The following ZCWPW2 variants were observed in gnomAD, a reference collection of about 807,000 sequenced individuals.
The protein encoded by ZCWPW2 is zinc finger CW-type and PWWP domain containing 2, also known as zinc finger CW-type PWWP domain protein 2.
ZCWPW2 carries 45 observed loss-of-function variants against 46.6 expected under a neutral mutation model. The observed-to-expected ratio is 0.96, with a 90% CI of 0.76 to 1.24. ZCWPW2 has a LOEUF of 1.24. Among genes scored for constraint, ZCWPW2 ranks in the 50% most tolerant of loss-of-function variants. The pLI is 0.00. For synonymous variants in ZCWPW2, 152 were observed against 137.1 expected (o/e 1.11, Z -0.76); for missense variants, 429 against 403.9 (o/e 1.06, Z -0.53).
intron 4 of ZCWPW2, chr3:28,460,917 A>G (rs937170979): frequency 1.7e-4 from 34 of 201,508 alleles, no homozygotes; most frequent in Non-Finnish European, 3.8e-4. Flanking sequence ...TTGGTTTTTA[A>G]ACATTTAGTG....
intron 2 of ZCWPW2, among the ~76,000 whole-genome samples, chr3:28,401,683 G>C (rs2125728766): frequency 1.3e-5 from 2 of 152,118 alleles, no homozygotes; most frequent in Middle Eastern, 3.4e-3. Flanking sequence ...CCATATTATA[G>C]GCCACAAAAC....
intron 4 of ZCWPW2, among the ~76,000 whole-genome samples, chr3:28,467,113 G>A (rs1032593261): frequency 6.6e-6 from 1 of 152,100 alleles, no homozygotes; most frequent in Admixed American, 6.6e-5. Context: ...AAACTCAAAA[G>A]TACTTGAAAG....
At chr3:28,396,619 TCAAACC>T (rs1214167255) in intron 2 of ZCWPW2, among the ~76,000 whole-genome samples, 1 of 152,202 alleles carries the variant, frequency 6.6e-6, no homozygotes, top group Non-Finnish European at 1.5e-5. Context: ...GTTGTTTTTC[TCAAACC>T]CAGGAGAGTT....
intron 1 of ZCWPW2, among the ~76,000 whole-genome samples, chr3:28,352,062 T>C (rs1577157750): frequency 2.6e-5 from 4 of 151,942 alleles, no homozygotes; most frequent in Admixed American, 2.6e-4. Context: ...GTTTTCCCTG[T>C]ACTTTCTCCT....
At chr3:28,496,854 A>G (rs574500846) in intron 6 of ZCWPW2, among the ~76,000 whole-genome samples, 20 of 151,772 alleles carry the variant, frequency 1.3e-4, no homozygotes, top group Non-Finnish European at 2.5e-4. Flanking sequence ...AAACAGGCAT[A>G]GGGATGTTGA....
chr3:28,512,416 C>T (rs1391021288), intron 6 of ZCWPW2, among the ~76,000 whole-genome samples: 2 of 151,930 alleles, frequency 1.3e-5, no homozygotes, highest in African/African-American at 4.8e-5. Context: ...AATTCCTCAC[C>T]TCTGATAATC....
intron 1 of ZCWPW2, among the ~76,000 whole-genome samples, chr3:28,380,475 T>A (rs995030973): frequency 6.6e-6 from 1 of 152,220 alleles, no homozygotes; most frequent in African/African-American, 2.4e-5. Context: ...ATCCATTTCC[T>A]TGCTTTATCA....
At chr3:28,460,934 C>G (rs1698606972) in intron 4 of ZCWPW2, 1 of 221,836 alleles carries the variant, frequency 4.5e-6, no homozygotes, top group Non-Finnish European at 1.0e-5. Context: ...AGTGGTGATG[C>G]AGTCCAAAGG....
At chr3:28,488,598 T>C (rs1365782004) in intron 5 of ZCWPW2, among the ~76,000 whole-genome samples, 2 of 152,194 alleles carry the variant, frequency 1.3e-5, no homozygotes, top group Non-Finnish European at 2.9e-5. Flanking sequence ...CTCCCTAATA[T>C]GGTTGTAAGT....
At chr3:28,481,926 C>T (rs1373877499) in intron 5 of ZCWPW2, among the ~76,000 whole-genome samples, 1 of 152,084 alleles carries the variant, frequency 6.6e-6, no homozygotes, top group Non-Finnish European at 1.5e-5. Flanking sequence ...AACACACAAC[C>T]TCCCCGACTG....
intron 2 of ZCWPW2, among the ~76,000 whole-genome samples, chr3:28,402,168 A>C (rs1695971772): frequency 6.6e-6 from 1 of 152,200 alleles, no homozygotes; most frequent in Non-Finnish European, 1.5e-5. Context: ...TAAAACTTTT[A>C]GACTATTAGC....
intron 4 of ZCWPW2, among the ~76,000 whole-genome samples, chr3:28,438,233 G>A (rs1030558306): frequency 2.6e-5 from 4 of 152,170 alleles, no homozygotes; most frequent in Non-Finnish European, 5.9e-5. Flanking sequence ...TACTGTTATT[G>A]TAATCTCCCT....
At chr3:28,405,336 C>T (rs7639007) in intron 2 of ZCWPW2, among the ~76,000 whole-genome samples, 1 of 152,082 alleles carries the variant, frequency 6.6e-6, no homozygotes, top group Non-Finnish European at 1.5e-5. Context: ...CATACTAAGG[C>T]AGGAAATTGG....
chr3:28,379,634 G>A (rs1011618227), intron 1 of ZCWPW2, among the ~76,000 whole-genome samples: 1 of 152,000 alleles, frequency 6.6e-6, no homozygotes, highest in Non-Finnish European at 1.5e-5. Context: ...TACACTGGAT[G>A]TATTAACACC....
chr3:28,502,689 A>T (rs1295203325), intron 6 of ZCWPW2, among the ~76,000 whole-genome samples: 2 of 152,140 alleles, frequency 1.3e-5, no homozygotes, highest in Non-Finnish European at 1.5e-5. Flanking sequence ...GCAACTAGCT[A>T]TAAGGGGAAG....
At chr3:28,494,879 A>G (rs563593671) in intron 6 of ZCWPW2, among the ~76,000 whole-genome samples, 22 of 144,142 alleles carry the variant, frequency 1.5e-4, no homozygotes, top group Admixed American at 1.3e-3. Flanking sequence ...AAGGGATGTG[A>G]AGGACCTCTT....
At chr3:28,414,257 G>C (rs900573635) in intron 3 of ZCWPW2, among the ~76,000 whole-genome samples, 2 of 149,052 alleles carry the variant, frequency 1.3e-5, no homozygotes, top group Non-Finnish European at 1.5e-5. Context: ...AATTGTTCTT[G>C]TGTTTCTTCT....
At chr3:28,363,731 G>A (rs1306726057) in intron 1 of ZCWPW2, among the ~76,000 whole-genome samples, 3 of 152,158 alleles carry the variant, frequency 2.0e-5, no homozygotes, top group African/African-American at 7.2e-5. Context: ...ATGTCCTAGA[G>A]CTTCCTGAAA....
chr3:28,350,576 T>C (rs980272033), intron 1 of ZCWPW2, among the ~76,000 whole-genome samples: 1 of 152,182 alleles, frequency 6.6e-6, no homozygotes, highest in African/African-American at 2.4e-5. Flanking sequence ...TTAGTTTTTC[T>C]TTTTGGGTTG....
Sources: allele counts gnomAD v4.1 joint callset (sites outside exome capture counted in the v4.1 genomes callset), GRCh38; gene constraint gnomAD v4.1.1; transcripts MANE v1.5; gene names NCBI Gene and HGNC (gene_info 2026-07-23, HGNC 2026-07-21).